Variants in POLB observed in about 807,000 individuals in gnomAD.
POLB encodes the protein DNA polymerase beta.
In POLB, 37 loss-of-function variants were observed where a neutral mutation model predicts 52.7. The observed-to-expected ratio is 0.70, with a 90% CI of 0.54 to 0.92. The LOEUF (loss-of-function observed/expected upper bound fraction) is 0.92. Among genes scored for constraint, POLB ranks in the 40% least tolerant of loss-of-function variants. The pLI, the probability that POLB is intolerant of heterozygous loss-of-function variation, is 0.00. For missense variants in POLB, 313 were observed against 400.8 expected (o/e 0.78, Z 1.87); for synonymous variants, 138 against 131.3 (o/e 1.05, Z -0.35).
chr8:42,342,459 ATC>A (rs767339474), intron 2 of POLB: 11 of 1,235,960 alleles, frequency 8.9e-6, no homozygotes, highest in South Asian at 1.2e-5. Flanking sequence ...GACAATTGAT[ATC>A]TCTGTTTGTT....
intron 2 of POLB, chr8:42,341,972 A>C (rs1396568971): frequency 1.4e-6 from 1 of 733,408 alleles, no homozygotes; most frequent in African/African-American, 1.7e-5. Flanking sequence ...GCTATTCTTT[A>C]TGTATTGAGA....
chr8:42,367,390 G>A (rs1196837347), intron 11 of POLB, among the ~76,000 whole-genome samples: 1 of 152,140 alleles, frequency 6.6e-6, no homozygotes, highest in Admixed American at 6.5e-5. Context: ...GAGACTTAGG[G>A]AATGACATAG....
intron 11 of POLB, chr8:42,368,977 G>A (rs1240040458): frequency 9.0e-6 from 2 of 221,430 alleles, no homozygotes; most frequent in Non-Finnish European, 1.8e-5. Flanking sequence ...TTATTTTGAT[G>A]TCTGTGTTTC....
chr8:42,338,807 C>T (rs1202254910), intron 1 of POLB, 122 bp downstream of exon 1: 1 of 1,079,272 alleles, frequency 9.3e-7, no homozygotes, highest in Non-Finnish European at 1.4e-6. Flanking sequence ...GGGTCGTCTT[C>T]CGTGGGGATC....
Position 42,351,631 on chromosome 8 carries a change from G to T in POLB, c.321-888G>T, listed in dbSNP as rs140555619. Among the ~76,000 whole-genome samples, 199 of 152,276 alleles carry T rather than the reference G, an allele frequency of 1.3e-3. 2 individuals carry two copies. Among genetic ancestry groups the T allele is most frequent in the African/African-American group, 4.3e-3 (179 of 41,556 alleles). On this transcript the variant is annotated intron_variant, in intron 5 of 13. Coordinates refer to ENST00000265421, the MANE Select transcript of POLB (RefSeq NM_002690.3). ...CCTTATGAAATAAGAGAGAAATTTG[G>T]TTAATCAGTAAGCTTCCTTCTGTCC...
intron 3 of POLB, among the ~76,000 whole-genome samples, chr8:42,346,659 G>C (rs952321389): frequency 1.3e-5 from 2 of 152,026 alleles, no homozygotes; most frequent in African/African-American, 4.8e-5. Flanking sequence ...CTCCCAAAGT[G>C]CTGGGATTAC....
chr8:42,351,453 G>A (rs1822976132), intron 5 of POLB, among the ~76,000 whole-genome samples: 1 of 152,206 alleles, frequency 6.6e-6, no homozygotes, highest in African/African-American at 2.4e-5. Flanking sequence ...GTGTGTGTAT[G>A]CATTTCTTTC....
chr8:42,350,076 T>A lies in POLB; in HGVS notation c.320+11T>A, dbSNP rs1030232850. On this transcript the variant is annotated intron_variant, in intron 5 of 13. Transcript: ENST00000265421. ...AGTTAGTGGCATTGGGTAAGAACTA[T>A]TTTTTAAGCAGACACAATCGTCAGT... 1.0e-5 allele frequency: 16 copies of A among 1,544,452 alleles called. No homozygotes were observed. Among genetic ancestry groups the A allele is most frequent in the Admixed American group, 1.7e-5 (1 of 59,960 alleles).
rs1433117126 is a variant in POLB, at chr8:42,362,633, G to A, written c.643G>A (p.Val215Met). Residue 215 changes from valine (V) to methionine (M), a missense_variant, in exon 11 of 14, where the codon GTG becomes ATG. Physicochemically the swap from Val to Met is conservative, Grantham distance 21. This residue lies in a region of POLB where 246 missense variants were observed against 297.6 expected (regional missense o/e 0.83). Transcript: ENST00000265421. ...ACAGCCAAAACTGTTACATCAGGTTGTGGAGCAGTTACAAAAGGTTCATTT... is the reference window on the plus strand; with the variant it reads ...ACAGCCAAAACTGTTACATCAGGTTATGGAGCAGTTACAAAAGGTTCATTT... ...TKQPKLLHQV[V>M]EQLQKVHFIT... 2.5e-6 allele frequency: 4 copies of A among 1,608,278 alleles called. No homozygotes were observed. The highest frequency in any genetic ancestry group is 3.4e-6 in the Non-Finnish European group (4 of 1,174,808).
rs1027805439 is a variant in POLB, at chr8:42,338,797, G to C, written c.61+112G>C. 1.2e-5 allele frequency: 14 copies of C among 1,176,226 alleles called. No individual in the cohort carries two copies. In the African/African-American group the frequency reaches 1.4e-4, roughly 11 times the overall value. 72.9% of individuals were successfully genotyped at this position (1,176,226 alleles called of 1,614,324 possible). On this transcript the variant is annotated intron_variant, in intron 1 of 13. Transcript: ENST00000265421. ...GTGGGTAGGGTAGGTTCCTTGCAGC[G>C]GGTCGTCTTCCGTGGGGATCTCCCT...
intron 13 of POLB, among the ~76,000 whole-genome samples, chr8:42,371,247 C>A (rs1824368199): frequency 2.0e-5 from 3 of 152,292 alleles, no homozygotes; most frequent in Admixed American, 6.5e-5. Flanking sequence ...CCTCAACCTC[C>A]CGAGTAGCTG....
At chr8:42,340,724 GTCTT>G (rs1822151015) in intron 2 of POLB, among the ~76,000 whole-genome samples, 1 of 152,130 alleles carries the variant, frequency 6.6e-6, no homozygotes, top group Admixed American at 6.6e-5. Flanking sequence ...GCCCTATACT[GTCTT>G]TATCCCAAGT....
chr8:42,367,394 G>A lies in POLB; in HGVS notation c.709-1877G>A, dbSNP rs559073130. On this transcript the variant is annotated intron_variant, in intron 11 of 13. Coordinates refer to ENST00000265421, the MANE Select transcript of POLB (RefSeq NM_002690.3). The stretch of plus-strand genomic sequence containing the variant: ...ATTGAGAACATGAGACTTAGGGAAT[G>A]ACATAGGGAGTTAGCTAAGCCGGTA... Among the ~76,000 whole-genome samples, 5 of 152,280 alleles carry A rather than the reference G, an allele frequency of 3.3e-5. No individual in the cohort carries two copies. In the East Asian group the frequency reaches 9.6e-4, roughly 29 times the overall value.
intron 6 of POLB, among the ~76,000 whole-genome samples, chr8:42,353,105 C>T (rs1032643756): frequency 6.6e-6 from 1 of 151,254 alleles, no homozygotes; most frequent in Admixed American, 6.6e-5. Context: ...AAGAACCAAC[C>T]TCTTGACTTA....
rs1822246786 is a variant in POLB at position 42,342,240 on chromosome 8, C to T, written c.120-2713C>T. On this transcript the variant is annotated intron_variant, in intron 2 of 13. Coordinates refer to ENST00000265421, the MANE Select transcript of POLB (RefSeq NM_002690.3). ...GCACCTGGCTGACCATCAATGCTTT[C>T]TACATTGTATTATCGCCAGTCACCT... 2.6e-6 allele frequency: 4 copies of T among 1,544,314 alleles called. No homozygotes were observed. The South Asian group carries it at 3.3e-5, about 13-fold the overall frequency.
At chr8:42,346,820 C>A (rs1822647045) in intron 3 of POLB, among the ~76,000 whole-genome samples, 1 of 152,208 alleles carries the variant, frequency 6.6e-6, no homozygotes, top group African/African-American at 2.4e-5. Context: ...CTTCGCTACT[C>A]AGTACAAATC....
chr8:42,348,131 G>T (rs1822749669), intron 3 of POLB, among the ~76,000 whole-genome samples: 1 of 152,178 alleles, frequency 6.6e-6, no homozygotes, highest in African/African-American at 2.4e-5. Flanking sequence ...TTGTCAGAAT[G>T]TATATATCGT....
intron 11 of POLB, among the ~76,000 whole-genome samples, chr8:42,365,939 A>C (rs923581847): frequency 2.6e-5 from 4 of 152,062 alleles, no homozygotes; most frequent in African/African-American, 9.7e-5. Flanking sequence ...ATCTCTACTA[A>C]AAATACAAAA....
intron 3 of POLB, among the ~76,000 whole-genome samples, chr8:42,345,571 C>T (rs1822559525): frequency 6.6e-6 from 1 of 152,146 alleles, no homozygotes; most frequent in African/African-American, 2.4e-5. Flanking sequence ...TACCCCTTAT[C>T]TGAAATGCTT....
Sources: gnomAD v4.1 joint callset for allele counts (sites outside exome capture counted in the v4.1 genomes callset) on GRCh38, gnomAD v4.1.1 for gene constraint, gnomAD v4.1.1 regional missense constraint, MANE v1.5 for transcripts, NCBI Gene and HGNC (gene_info 2026-07-23, HGNC 2026-07-21) for gene names.